The following FXYD5 variants were observed in gnomAD, a reference collection of about 807,000 sequenced individuals.
The protein encoded by FXYD5 is FXYD domain containing ion transport regulator 5, also known as FXYD domain-containing ion transport regulator 5.
Under a neutral mutation model 25.7 loss-of-function variants are expected in FXYD5, and 21 were observed. The ratio of observed to expected loss-of-function variants is 0.82; its 90% confidence interval spans 0.58 to 1.18. The LOEUF (loss-of-function observed/expected upper bound fraction) is 1.18. FXYD5 is among the 50% of genes most tolerant of loss of function. The probability of loss-of-function intolerance (pLI) is 0.00; values close to 1 mark genes in which losing one functional copy is unlikely to be tolerated. For synonymous variants in FXYD5, 101 were observed against 90.7 expected (o/e 1.11, Z -0.64); for missense variants, 229 against 227.7 (o/e 1.01, Z -0.04).
rs139151663 is a variant in FXYD5, at chr19:35,157,454, C to T, written c.95C>T (p.Ser32Leu). 284 of 1,599,056 alleles carry T rather than the reference C, an allele frequency of 1.8e-4. No individual in the cohort carries two copies. The African/African-American group carries it at 3.5e-3, about 20-fold the overall frequency. The stretch of plus-strand genomic sequence containing the variant: ...TTGAAAGATACCACGTCCAGTTCTT[C>T]AGCAGACTCAACTATCATGGACATT... ...QTLKDTTSSS[S>L]ADSTIMDIQV... The change falls in exon 3 of 9, where the codon TCA (serine) becomes TTA (leucine). Residue 32 changes from serine (S) to leucine (L), a missense_variant. Physicochemically the swap from Ser to Leu is moderately radical, Grantham distance 145 (BLOSUM62 -2). Coordinates refer to ENST00000392219, the MANE Select transcript of FXYD5 (RefSeq NM_014164.6).
intron 4 of FXYD5, 139 bp downstream of exon 4, chr19:35,158,539 G>A: frequency 1.2e-5 from 7 of 597,888 alleles, no homozygotes; most frequent in South Asian, 4.4e-5. Context: ...CTCTGGGTGG[G>A]GACAGCCAAC....
intron 8 of FXYD5, among the ~76,000 whole-genome samples, chr19:35,169,208 A>G (rs2065476810): frequency 6.6e-6 from 1 of 152,112 alleles, no homozygotes; most frequent in Non-Finnish European, 1.5e-5. Context: ...GCACCTTCAT[A>G]CATTTGATTT....
chr19:35,167,735 A>G lies in FXYD5; in HGVS notation c.487+1410A>G, dbSNP rs142851452. 9.1e-3 allele frequency among the ~76,000 whole-genome samples: 1,390 copies of G among 152,264 alleles called. 9 individuals carry two copies. Among genetic ancestry groups the G allele is most frequent in the South Asian group, 0.027 (130 of 4,824 alleles). ...GGGGAGAGGCAGAATTCTAACAATC[A>G]TAAGACATGATTCCTGATGTGTGCG... On this transcript the variant is annotated intron_variant, in intron 8 of 8. Coordinates refer to ENST00000392219, the MANE Select transcript of FXYD5 (RefSeq NM_014164.6).
intron 5 of FXYD5, among the ~76,000 whole-genome samples, chr19:35,161,544 G>C (rs1242957940): frequency 6.6e-6 from 1 of 152,216 alleles, no homozygotes; most frequent in African/African-American, 2.4e-5. Flanking sequence ...GAACCAATGA[G>C]AGCCTGAGAA....
At chr19:35,163,775 A>C (rs1568414655) in intron 5 of FXYD5, among the ~76,000 whole-genome samples, 1 of 151,924 alleles carries the variant, frequency 6.6e-6, no homozygotes, top group Non-Finnish European at 1.5e-5. Flanking sequence ...GAGCCACTGC[A>C]CCCAGCCAAT....
At chr19:35,156,292 A>G (rs561326355) in intron 2 of FXYD5, among the ~76,000 whole-genome samples, 3 of 152,174 alleles carry the variant, frequency 2.0e-5, no homozygotes, top group Non-Finnish European at 4.4e-5. Context: ...AGGCGCCCTC[A>G]TTTCTCCTTC....
At chr19:35,156,606 G>T (rs533224584) in intron 2 of FXYD5, among the ~76,000 whole-genome samples, 3 of 152,214 alleles carry the variant, frequency 2.0e-5, no homozygotes, top group African/African-American at 7.2e-5. Context: ...GTGTCTGGGG[G>T]CTGAGTGTTG....
At chr19:35,165,898 G>A (rs1404715711) in intron 6 of FXYD5, among the ~76,000 whole-genome samples, 1 of 152,172 alleles carries the variant, frequency 6.6e-6, no homozygotes, top group Non-Finnish European at 1.5e-5. Flanking sequence ...CAAAGGCCCT[G>A]AGGTGAGAAG....
chr19:35,157,401 T>C lies in FXYD5; in HGVS notation c.62-20T>C, dbSNP rs770333592. The stretch of plus-strand genomic sequence containing the variant: ...AGGGGGACCAGGCTCCCTCCTGACT[T>C]CTCATCCTTGATTCCCCAGGACAGA... On this transcript the variant is annotated intron_variant, in intron 2 of 8. Transcript: ENST00000392219. 6.9e-7 allele frequency: 1 copy of C among 1,447,422 alleles called. No individual in the cohort carries two copies. Among genetic ancestry groups the C allele is most frequent in the Admixed American group, 1.7e-5 (1 of 59,700 alleles). 89.7% of individuals were successfully genotyped at this position (1,447,422 alleles called of 1,614,324 possible).
chr19:35,163,483 T>C (rs1193770478), intron 5 of FXYD5, among the ~76,000 whole-genome samples: 1 of 151,642 alleles, frequency 6.6e-6, no homozygotes, highest in Middle Eastern at 3.4e-3. Flanking sequence ...AATAGTTTTG[T>C]TGTTGTTGTT....
chr19:35,164,252 A>G lies in FXYD5; in HGVS notation c.382+7A>G. The stretch of plus-strand genomic sequence containing the variant: ...CAGACCCTCAAGCCATCTGGTTAGT[A>G]ACTGCCTCCCCAGACTGGAAACAGG... On this transcript the variant is annotated splice_region_variant and intron_variant, in intron 6 of 8. Transcript: ENST00000392219. 6.2e-7 allele frequency: 1 copy of G among 1,608,092 alleles called. No homozygotes were observed. Among genetic ancestry groups the G allele is most frequent in the South Asian group, 1.1e-5 (1 of 90,212 alleles).
At chr19:35,157,689 T>C (rs1224836592) in intron 3 of FXYD5, 188 bp downstream of exon 3, 2 of 474,998 alleles carry the variant, frequency 4.2e-6, no homozygotes, top group Non-Finnish European at 3.8e-6. Context: ...CACCTCTTGG[T>C]TCTGTTTTCT....
At position 35,168,207 on chromosome 19, in the gene FXYD5, C is replaced by T. The variant is rs2065467741; in HGVS notation, c.488-1359C>T. Among the ~76,000 whole-genome samples the T allele has an allele frequency of 2.0e-5, 3 of 152,120 alleles. No homozygotes were observed. The South Asian group carries it at 6.2e-4, about 32-fold the overall frequency. On this transcript the variant is annotated intron_variant, in intron 8 of 8. Coordinates refer to ENST00000392219, the MANE Select transcript of FXYD5 (RefSeq NM_014164.6). ...GCTCCTAGTCTGTGCCAAACCTGTG[C>T]TGGGTGATGCTGGGGGCATGGTGGT...
chr19:35,162,067 C>T (rs1377964471), intron 5 of FXYD5, among the ~76,000 whole-genome samples: 2 of 152,228 alleles, frequency 1.3e-5, no homozygotes. Flanking sequence ...GCAGCTGTGT[C>T]CACACTTATC....
chr19:35,161,563 C>T (rs1043165870), intron 5 of FXYD5, among the ~76,000 whole-genome samples: 9 of 152,204 alleles, frequency 5.9e-5, no homozygotes, highest in Non-Finnish European at 8.8e-5. Flanking sequence ...AAATGAGCTG[C>T]TCTCATTGGT....
chr19:35,162,240 A>G (rs1198675883), intron 5 of FXYD5, among the ~76,000 whole-genome samples: 1 of 152,198 alleles, frequency 6.6e-6, no homozygotes, highest in Non-Finnish European at 1.5e-5. Flanking sequence ...GCTGGGCATG[A>G]AAGCCCCCAG....
intron 1 of FXYD5, 37 bp from the exon 2 acceptor site, chr19:35,155,514 A>T (rs1426863105): frequency 6.3e-7 from 1 of 1,578,358 alleles, no homozygotes; most frequent in Non-Finnish European, 8.7e-7. Flanking sequence ...GGTCTCACTG[A>T]CATCATGGCT....
At chr19:35,155,490 G>C in intron 1 of FXYD5, 61 bp from the exon 2 acceptor site, 1 of 1,352,272 alleles carries the variant, frequency 7.4e-7, no homozygotes, top group Non-Finnish European at 1.1e-6. Flanking sequence ...GATCCCCGGG[G>C]GCTGCCGGAG....
intron 8 of FXYD5, among the ~76,000 whole-genome samples, chr19:35,167,188 A>C (rs923187095): frequency 6.6e-6 from 1 of 152,232 alleles, no homozygotes; most frequent in Admixed American, 6.5e-5. Context: ...AAAGTTTAAT[A>C]GAGTGATATC....
Sources: allele counts gnomAD v4.1 joint callset (sites outside exome capture counted in the v4.1 genomes callset), GRCh38; gene constraint gnomAD v4.1.1; transcripts MANE v1.5; gene names NCBI Gene and HGNC (gene_info 2026-07-23, HGNC 2026-07-21).